Variants in FOXK1 observed in about 807,000 individuals in gnomAD.
FOXK1 encodes forkhead box protein K1.
A neutral mutation model predicts 51.9 loss-of-function variants in FOXK1; 19 were observed. That is an observed-to-expected ratio of 0.37 (90% CI 0.26 to 0.54). The LOEUF (loss-of-function observed/expected upper bound fraction) is 0.54. Among genes scored for constraint, FOXK1 ranks in the 20% least tolerant of loss-of-function variants. FOXK1 has a pLI of 0.87. For missense variants in FOXK1, 870 were observed against 1,032.7 expected (o/e 0.84, Z 2.16); for synonymous variants, 537 against 482.6 (o/e 1.11, Z -1.48).
At position 4,729,561 on chromosome 7, in the gene FOXK1, C is replaced by T. The variant is rs1036414412; in HGVS notation, c.561-11277C>T. On this transcript the variant is annotated intron_variant, in intron 1 of 8. Coordinates refer to ENST00000328914, the MANE Select transcript of FOXK1 (RefSeq NM_001037165.2). The surrounding 1 kb of genome is among the most constrained non-coding windows in gnomAD (Gnocchi z 6.2). Reference sequence around the variant, plus strand: ...CGGGAGCCCCACCCGGCAGGACACACACCTGAGCCCCAGGGAGGGTCGGTG... The same window carrying T: ...CGGGAGCCCCACCCGGCAGGACACATACCTGAGCCCCAGGGAGGGTCGGTG... Among the ~76,000 whole-genome samples, 1 of 152,232 alleles carries T rather than the reference C, an allele frequency of 6.6e-6. No individual in the cohort carries two copies. Among genetic ancestry groups the T allele is most frequent in the Non-Finnish European group, 1.5e-5 (1 of 68,034 alleles).
chr7:4,688,628 C>T (rs1029389991), intron 1 of FOXK1, among the ~76,000 whole-genome samples: 3 of 152,202 alleles, frequency 2.0e-5, no homozygotes, highest in South Asian at 2.1e-4. Flanking sequence ...CTCCAGTGAT[C>T]TGCCCGCCTC....
chr7:4,725,932 G>GA (rs559671757), intron 1 of FOXK1, among the ~76,000 whole-genome samples: 94 of 152,270 alleles, frequency 6.2e-4, no homozygotes, highest in Admixed American at 1.2e-3. Context: ...AAGGTGAGCT[G>GA]AGCTCGGCTG....
rs530824719 is a variant in FOXK1, at chr7:4,734,947, C to T, written c.561-5891C>T. ...CCTCCGGAAGCTTTCACGGGCTCTTCCTTCCCTCTCTGATTATTTCTCTGA... is the reference window on the plus strand; with the variant it reads ...CCTCCGGAAGCTTTCACGGGCTCTTTCTTCCCTCTCTGATTATTTCTCTGA... On this transcript the variant is annotated intron_variant, in intron 1 of 8. Transcript: ENST00000328914. The surrounding 1 kb of genome is among the most constrained non-coding windows in gnomAD (Gnocchi z 5.2). 1.3e-5 allele frequency among the ~76,000 whole-genome samples: 2 copies of T among 152,310 alleles called. No individual in the cohort carries two copies. The highest frequency in any genetic ancestry group is 3.9e-4 in the East Asian group (2 of 5,192).
chr7:4,720,957 G>C (rs1780301834), intron 1 of FOXK1, among the ~76,000 whole-genome samples: 1 of 151,816 alleles, frequency 6.6e-6, no homozygotes, highest in Admixed American at 6.6e-5. Flanking sequence ...TAGTCAGGCT[G>C]GTCTCGAACT....
chr7:4,685,051 C>G (rs944691140), intron 1 of FOXK1, among the ~76,000 whole-genome samples: 1 of 151,478 alleles, frequency 6.6e-6, no homozygotes, highest in South Asian at 2.1e-4. Context: ...ATTAGATGTG[C>G]GTGAAGTGCT....
intron 1 of FOXK1, among the ~76,000 whole-genome samples, chr7:4,719,351 A>G (rs1241132108): frequency 6.6e-6 from 1 of 151,902 alleles, no homozygotes; most frequent in Admixed American, 6.6e-5. Flanking sequence ...TGTGTTGTCC[A>G]GGCTGGTTGC....
At chr7:4,691,606 G>T (rs939952444) in intron 1 of FOXK1, among the ~76,000 whole-genome samples, 1 of 151,970 alleles carries the variant, frequency 6.6e-6, no homozygotes, top group African/African-American at 2.4e-5. Context: ...AAAGTGCTGG[G>T]ATTTCAGGCA....
Position 4,761,307 on chromosome 7 carries a change from T to G in FOXK1, c.1921+19T>G. ...GCTTACGGTGAGGCCCTGGCCCTGT[T>G]CTCCATGCCACATCCCAAGCTCTGT... On this transcript the variant is annotated intron_variant, in intron 8 of 8. Transcript: ENST00000328914. The surrounding 1 kb of genome is among the most constrained non-coding windows in gnomAD (Gnocchi z 6.2). 1 of 1,603,204 alleles carries G rather than the reference T, an allele frequency of 6.2e-7. No homozygotes were observed. The highest frequency in any genetic ancestry group is 8.5e-7 in the Non-Finnish European group (1 of 1,175,550).
Position 4,682,346 on chromosome 7 carries a change from TG to T in FOXK1, c.39del (p.Leu14SerfsTer123). ...GGCGAGGACAGCGGCGCCCGCGCCC[TG>T]CTCGCGCTGCGCTCGGCGCCCTGCA... ...EVGEDSGARA[L>X]LALRSAPCSP... On this transcript the variant is annotated frameshift_variant, in exon 1 of 9. Coordinates refer to ENST00000328914, the MANE Select transcript of FOXK1 (RefSeq NM_001037165.2). LOFTEE classifies it high-confidence loss of function. This position sits in a 1 kb window ranked among gnomAD's most constrained non-coding sequence, Gnocchi z 7.6. The T allele has an allele frequency of 1.0e-6, 1 of 993,536 alleles. No homozygotes were observed. Among genetic ancestry groups the T allele is most frequent in the South Asian group, 4.2e-5 (1 of 23,744 alleles). 61.5% of individuals were successfully genotyped at this position (993,536 alleles called of 1,614,324 possible). A position where few individuals can be genotyped will look rare whatever the true frequency, so the allele number is the denominator to read the frequency against.
chr7:4,719,005 CA>C (rs1437279225), intron 1 of FOXK1, among the ~76,000 whole-genome samples: 1 of 152,086 alleles, frequency 6.6e-6, no homozygotes, highest in Non-Finnish European at 1.5e-5. Flanking sequence ...GACGGGGTTG[CA>C]CCATGTTGGT....
At chr7:4,685,423 C>T (rs1371219626) in intron 1 of FOXK1, among the ~76,000 whole-genome samples, 2 of 151,696 alleles carry the variant, frequency 1.3e-5, no homozygotes, top group Non-Finnish European at 2.9e-5. Context: ...ACCGTGTTAG[C>T]CAAGATGGTC....
rs1780628390 is a variant in FOXK1 at position 4,741,085 on chromosome 7, C to G, written c.746+62C>G. 6 of 1,191,556 alleles carry G rather than the reference C, an allele frequency of 5.0e-6. No individual in the cohort carries two copies. In the East Asian group the frequency reaches 1.8e-4, roughly 35 times the overall value. 73.8% of individuals were successfully genotyped at this position (1,191,556 alleles called of 1,614,324 possible). A position where few individuals can be genotyped will look rare whatever the true frequency, so the allele number is the denominator to read the frequency against. ...AGAGAGGGGGATGATGCGAGCGTGC[C>G]TGTCGTACGCAGCACCGGGTTCCAA... On this transcript the variant is annotated intron_variant, in intron 2 of 8. Coordinates refer to ENST00000328914, the MANE Select transcript of FOXK1 (RefSeq NM_001037165.2).
At chr7:4,696,242 A>G (rs887719633) in intron 1 of FOXK1, among the ~76,000 whole-genome samples, 3 of 152,062 alleles carry the variant, frequency 2.0e-5, no homozygotes, top group African/African-American at 7.2e-5. Flanking sequence ...CAAATCATCT[A>G]GGAGATTCTG....
rs1175588410 is a variant in FOXK1 at position 4,749,931 on chromosome 7, C to T, written c.747-4528C>T. ...AGCCCGTCCGTCCCTCTGCAGTCTC[C>T]CTGCACTGGCATGTCCTGGGTGGTC... On this transcript the variant is annotated intron_variant, in intron 2 of 8. Coordinates refer to ENST00000328914, the MANE Select transcript of FOXK1 (RefSeq NM_001037165.2). This position sits in a 1 kb window ranked among gnomAD's most constrained non-coding sequence, Gnocchi z 6.0. 6.6e-6 allele frequency among the ~76,000 whole-genome samples: 1 copy of T among 152,208 alleles called. No individual in the cohort carries two copies. The highest frequency in any genetic ancestry group is 2.4e-5 in the African/African-American group (1 of 41,454).
At chr7:4,725,333 G>C (rs1050647412) in intron 1 of FOXK1, among the ~76,000 whole-genome samples, 4 of 152,224 alleles carry the variant, frequency 2.6e-5, no homozygotes, top group African/African-American at 9.6e-5. Flanking sequence ...CAGTCCCTTG[G>C]TCTGACCGGG....
At chr7:4,759,241 C>CG in intron 6 of FOXK1, 24 bp downstream of exon 6, 1 of 831,134 alleles carries the variant, frequency 1.2e-6, no homozygotes, top group African/African-American at 1.8e-5. Flanking sequence ...GGCCCTCTTG[C>CG]GGGGCGGGGC....
rs962087329 is a variant in FOXK1 at position 4,682,502 on chromosome 7, TCGCGGG to T, written c.202_207del (p.Ala68_Gly69del). 2.6e-5 allele frequency: 27 copies of T among 1,038,120 alleles called. No individual in the cohort carries two copies. In the African/African-American group the frequency reaches 4.7e-4, roughly 18 times the overall value. 64.3% of individuals were successfully genotyped at this position (1,038,120 alleles called of 1,614,324 possible). On this transcript the variant is annotated inframe_deletion, in exon 1 of 9. Coordinates refer to ENST00000328914, the MANE Select transcript of FOXK1 (RefSeq NM_001037165.2). The surrounding 1 kb of genome is among the most constrained non-coding windows in gnomAD (Gnocchi z 7.6). ...CCACCGCCGCTGCCTCCGGGCGCGA[TCGCGGG>T]CGCGGGCTCCTCCGGGGGCTCCTCC...
chr7:4,687,973 C>A (rs779526217), intron 1 of FOXK1, among the ~76,000 whole-genome samples: 19 of 152,164 alleles, frequency 1.2e-4, no homozygotes, highest in Non-Finnish European at 2.5e-4. Flanking sequence ...CTCAAACGAT[C>A]CTCCCACCTT....
Position 4,731,713 on chromosome 7 carries a change from T to G in FOXK1, c.561-9125T>G, listed in dbSNP as rs1251928895. Among the ~76,000 whole-genome samples, 1 of 146,140 alleles carries G rather than the reference T, an allele frequency of 6.8e-6. No individual in the cohort carries two copies. Among genetic ancestry groups the G allele is most frequent in the Non-Finnish European group, 1.5e-5 (1 of 67,402 alleles). On this transcript the variant is annotated intron_variant, in intron 1 of 8. Coordinates refer to ENST00000328914, the MANE Select transcript of FOXK1 (RefSeq NM_001037165.2). The surrounding 1 kb of genome is among the most constrained non-coding windows in gnomAD (Gnocchi z 5.3). Reference sequence around the variant, plus strand: ...GGCGGAGGTTGCAGTGAGCTGAGATTGCACCACTGCACTCCAGCCTGGGCA... The same window carrying G: ...GGCGGAGGTTGCAGTGAGCTGAGATGGCACCACTGCACTCCAGCCTGGGCA...
Sources: allele counts gnomAD v4.1 joint callset (sites outside exome capture counted in the v4.1 genomes callset), GRCh38; gene constraint gnomAD v4.1.1; non-coding constraint Gnocchi (gnomAD v3.1); transcripts MANE v1.5; gene names NCBI Gene and HGNC (gene_info 2026-07-23, HGNC 2026-07-21).